The following CSMD1 variants were observed in gnomAD, a reference collection of about 807,000 sequenced individuals.
CSMD1 encodes the protein CUB and Sushi multiple domains 1, also known as CUB and sushi domain-containing protein 1.
Under a neutral mutation model 417.5 loss-of-function variants are expected in CSMD1, and 213 were observed. The observed-to-expected ratio is 0.51, with a 90% CI of 0.46 to 0.57. The LOEUF is 0.57. Ranked by LOEUF, CSMD1 falls within the 20% of genes least tolerant of loss-of-function variation. The pLI is 0.00. For synonymous variants in CSMD1, 2,862 were observed against 1,736.8 expected, an observed-to-expected ratio of 1.65 and a Z score of -16.11; for missense variants, 6,923 against 4,529.7, an observed-to-expected ratio of 1.53 and a Z score of -15.17.
rs962298073 is a variant in CSMD1, at chr8:4,842,121, G to A, written c.85+152211C>T. 3.9e-5 allele frequency among the ~76,000 whole-genome samples: 6 copies of A among 152,106 alleles called. No homozygotes were observed. In the East Asian group the frequency reaches 5.8e-4, roughly 15 times the overall value. On this transcript the variant is annotated intron_variant, in intron 1 of 69. Coordinates refer to ENST00000635120, the MANE Select transcript of CSMD1 (RefSeq NM_033225.6). The stretch of plus-strand genomic sequence containing the variant: ...TATGAGAGATGTAAAAAGGTGCAAG[G>A]CACCAGCCAAACCGCCTTAGAACTT...
chr8:4,694,024 G>A (rs1457560522), intron 1 of CSMD1, among the ~76,000 whole-genome samples: 1 of 152,152 alleles, frequency 6.6e-6, no homozygotes. Flanking sequence ...CTAAGCCAAA[G>A]GGAAAAGTCA....
intron 3 of CSMD1, among the ~76,000 whole-genome samples, chr8:4,373,907 G>A (rs1802553136): frequency 6.6e-6 from 1 of 152,160 alleles, no homozygotes; most frequent in Admixed American, 6.5e-5. Context: ...GTATTAAAAT[G>A]AAAATTTCCC....
intron 2 of CSMD1, among the ~76,000 whole-genome samples, chr8:4,598,301 G>C (rs114482566): frequency 6.6e-6 from 1 of 152,114 alleles, no homozygotes; most frequent in South Asian, 2.1e-4. Context: ...TTTGAATTAC[G>C]AATACTATGC....
At chr8:4,032,183 T>G in intron 3 of CSMD1, 84 bp from the exon 4 acceptor site, 2 of 957,996 alleles carry the variant, frequency 2.1e-6, no homozygotes, top group Non-Finnish European at 3.1e-6. Context: ...GACACCATTT[T>G]TGAATTATTA....
intron 2 of CSMD1, among the ~76,000 whole-genome samples, chr8:4,461,257 A>G (rs1268747994): frequency 6.6e-6 from 1 of 152,092 alleles, no homozygotes; most frequent in Admixed American, 6.5e-5. Context: ...TCACCTGCGA[A>G]AAGCCTACAG....
chr8:3,684,938 G>C (rs1406359490), intron 7 of CSMD1, among the ~76,000 whole-genome samples: 1 of 152,088 alleles, frequency 6.6e-6, no homozygotes, highest in Non-Finnish European at 1.5e-5. Flanking sequence ...GGCCAAAGTG[G>C]ACAATTAAAC....
intron 7 of CSMD1, among the ~76,000 whole-genome samples, chr8:3,664,048 AAACTTT>A (rs1403223903): frequency 6.6e-5 from 10 of 152,192 alleles, no homozygotes; most frequent in African/African-American, 2.4e-4. Flanking sequence ...TATTATTATT[AAACTTT>A]AAGTTCTAGG....
At chr8:3,967,997 C>T (rs1157250732) in intron 5 of CSMD1, among the ~76,000 whole-genome samples, 2 of 94,646 alleles carry the variant, frequency 2.1e-5, no homozygotes, top group African/African-American at 8.9e-5. Context: ...GAAACCCCGT[C>T]ACTGCTTAAA....
chr8:4,873,677 T>C (rs1172659970), intron 1 of CSMD1, among the ~76,000 whole-genome samples: 2 of 152,152 alleles, frequency 1.3e-5, no homozygotes, highest in African/African-American at 2.4e-5. Context: ...TAAACACTTA[T>C]TGATGATACA....
chr8:3,683,155 C>T (rs1585069898), intron 7 of CSMD1, among the ~76,000 whole-genome samples: 1 of 151,756 alleles, frequency 6.6e-6, no homozygotes, highest in South Asian at 2.1e-4. Flanking sequence ...ATGTAACAAA[C>T]CTGCACGTTG....
At chr8:3,639,206 G>T (rs1276530367) in intron 7 of CSMD1, among the ~76,000 whole-genome samples, 3 of 152,204 alleles carry the variant, frequency 2.0e-5, no homozygotes, top group Non-Finnish European at 4.4e-5. Context: ...TAAAGACACA[G>T]GCCTTGAGGT....
chr8:4,090,693 A>G (rs1771872206), intron 3 of CSMD1, among the ~76,000 whole-genome samples: 1 of 152,212 alleles, frequency 6.6e-6, no homozygotes, highest in Non-Finnish European at 1.5e-5. Flanking sequence ...TTTTATCTCT[A>G]GTAGGTTCTA....
At chr8:4,923,019 G>T (rs1806600349) in intron 1 of CSMD1, among the ~76,000 whole-genome samples, 1 of 152,136 alleles carries the variant, frequency 6.6e-6, no homozygotes, top group Non-Finnish European at 1.5e-5. Flanking sequence ...ACCTCAGCTA[G>T]ATGGGGTGCT....
At chr8:3,677,701 C>A (rs1050130894) in intron 7 of CSMD1, among the ~76,000 whole-genome samples, 2 of 152,156 alleles carry the variant, frequency 1.3e-5, no homozygotes, top group African/African-American at 4.8e-5. Flanking sequence ...GGTAAATTCC[C>A]CTGTTTTGTT....
chr8:4,601,400 T>A (rs1444121274), intron 2 of CSMD1, among the ~76,000 whole-genome samples: 2 of 152,130 alleles, frequency 1.3e-5, no homozygotes, highest in Non-Finnish European at 2.9e-5. Context: ...ATAACTTGCA[T>A]TAGGATAGTT....
chr8:3,249,197 T>C (rs771856414), intron 26 of CSMD1, among the ~76,000 whole-genome samples: 2 of 152,170 alleles, frequency 1.3e-5, no homozygotes, highest in Non-Finnish European at 2.9e-5. Flanking sequence ...AGAATCAAGA[T>C]GCACTGTGAG....
rs181306505 is a variant in CSMD1 at position 3,894,583 on chromosome 8, T to A, written c.818+103320A>T. On this transcript the variant is annotated intron_variant, in intron 5 of 69. Coordinates refer to ENST00000635120, the MANE Select transcript of CSMD1 (RefSeq NM_033225.6). The stretch of plus-strand genomic sequence containing the variant: ...AATAGATTTCTACATCCTATTGATT[T>A]GTTGTCTGTATGGGGCTATTTACAG... Among the ~76,000 whole-genome samples, 16 of 152,354 alleles carry A rather than the reference T, an allele frequency of 1.1e-4. 1 individual carries two copies. The Middle Eastern group carries it at 0.01, about 97-fold the overall frequency.
intron 3 of CSMD1, among the ~76,000 whole-genome samples, chr8:4,270,517 C>G (rs546589398): frequency 3.9e-5 from 6 of 152,244 alleles, no homozygotes; most frequent in South Asian, 4.1e-4. Flanking sequence ...TGAGTCTCCT[C>G]TCTTCTGATA....
At chr8:3,452,578 G>A (rs1445499646) in intron 12 of CSMD1, among the ~76,000 whole-genome samples, 2 of 152,182 alleles carry the variant, frequency 1.3e-5, no homozygotes, top group Non-Finnish European at 2.9e-5. Flanking sequence ...AGATAATCAT[G>A]TGGTTTTTGT....
Sources: allele counts gnomAD v4.1 joint callset (sites outside exome capture counted in the v4.1 genomes callset), GRCh38; gene constraint gnomAD v4.1.1; transcripts MANE v1.5; gene names NCBI Gene and HGNC (gene_info 2026-07-23, HGNC 2026-07-21).